The following DPP10 variants were observed in gnomAD, a reference collection of about 807,000 sequenced individuals.
DPP10 encodes the protein dipeptidyl peptidase like 10.
DPP10 carries 33 observed loss-of-function variants against 120.9 expected under a neutral mutation model. The observed-to-expected ratio is 0.27, with a 90% confidence interval of 0.21 to 0.37. The LOEUF (loss-of-function observed/expected upper bound fraction) is 0.37. DPP10 is among the 10% of genes least tolerant of loss of function. The pLI is 1.00. For synonymous variants in DPP10, 337 were observed against 326.1 expected, an observed-to-expected ratio of 1.03 and a Z score of -0.36; for missense variants, 816 against 942.8, an observed-to-expected ratio of 0.87 and a Z score of 1.76.
chr2:115,379,407 A>C (rs1436110965), intron 3 of DPP10, among the ~76,000 whole-genome samples: 2 of 152,002 alleles, frequency 1.3e-5, no homozygotes, highest in African/African-American at 2.4e-5. Context: ...TATCCCCTTT[A>C]TCATTTTTTA....
At chr2:115,723,607 T>C (rs2149620061) in intron 7 of DPP10, among the ~76,000 whole-genome samples, 1 of 131,694 alleles carries the variant, frequency 7.6e-6, no homozygotes, top group East Asian at 2.4e-4. Context: ...TTTGTTGTTG[T>C]TGTTGTTGTT....
At chr2:114,739,530 G>A (rs377410574) in intron 1 of DPP10, among the ~76,000 whole-genome samples, 15 of 151,990 alleles carry the variant, frequency 9.9e-5, no homozygotes, top group Admixed American at 2.0e-4. Flanking sequence ...GTAGTGGCAC[G>A]CACCTGTAAT....
At chr2:115,430,771 C>T (rs1190184175) in intron 3 of DPP10, among the ~76,000 whole-genome samples, 1 of 152,196 alleles carries the variant, frequency 6.6e-6, no homozygotes, top group African/African-American at 2.4e-5. Flanking sequence ...ATAAAGACAG[C>T]ACATTGCCCG....
At chr2:115,746,256 G>T (rs1677957037) in intron 10 of DPP10, 73 bp downstream of exon 10, 2 of 1,296,652 alleles carry the variant, frequency 1.5e-6, no homozygotes, top group Admixed American at 3.7e-5. Flanking sequence ...TTGCAATTTA[G>T]AGAGAGATGT....
At chr2:114,621,716 C>T (rs1357950964) in intron 1 of DPP10, among the ~76,000 whole-genome samples, 1 of 151,904 alleles carries the variant, frequency 6.6e-6, no homozygotes, top group Non-Finnish European at 1.5e-5. Flanking sequence ...AACTCTCCTC[C>T]TCTCTAAATA....
intron 1 of DPP10, among the ~76,000 whole-genome samples, chr2:115,240,343 C>G (rs1332723081): frequency 6.6e-6 from 1 of 152,226 alleles, no homozygotes; most frequent in Non-Finnish European, 1.5e-5. Flanking sequence ...TTGCATTTCT[C>G]TAACGACCAG....
At chr2:114,829,376 T>C (rs904111908) in intron 1 of DPP10, among the ~76,000 whole-genome samples, 12 of 54,616 alleles carry the variant, frequency 2.2e-4, no homozygotes, top group Admixed American at 1.1e-3. Flanking sequence ...GTTTTTGTCT[T>C]TTTTTTTTTT....
At chr2:115,329,344 A>G (rs909351639) in intron 2 of DPP10, among the ~76,000 whole-genome samples, 4 of 152,166 alleles carry the variant, frequency 2.6e-5, no homozygotes, top group African/African-American at 9.6e-5. Flanking sequence ...TCATTGGATG[A>G]TTGTCTGACC....
chr2:115,080,384 TC>T (rs34835956), intron 1 of DPP10, among the ~76,000 whole-genome samples: 3 of 152,184 alleles, frequency 2.0e-5, no homozygotes, highest in African/African-American at 7.2e-5. Context: ...GGTTATTTCT[TC>T]CTTGTAAGCT....
intron 1 of DPP10, among the ~76,000 whole-genome samples, chr2:115,243,210 C>T (rs12616456): frequency 0.039 from 5,996 of 152,190 alleles, 221 homozygotes; most frequent in East Asian, 0.19. Flanking sequence ...ACTGCTAAGG[C>T]GTTGACAACT....
intron 4 of DPP10, among the ~76,000 whole-genome samples, chr2:115,502,847 C>T (rs1644832798): frequency 6.9e-6 from 1 of 144,406 alleles, no homozygotes; most frequent in East Asian, 2.1e-4. Flanking sequence ...GTGTGTGCCA[C>T]CAGGCTCGGC....
At chr2:115,445,765 A>G (rs2072524197) in intron 3 of DPP10, among the ~76,000 whole-genome samples, 1 of 152,252 alleles carries the variant, frequency 6.6e-6, no homozygotes, top group South Asian at 2.1e-4. Context: ...AGCTAGCTGC[A>G]GAAATTTGCA....
intron 4 of DPP10, among the ~76,000 whole-genome samples, chr2:115,510,872 CTAGG>C: frequency 6.6e-6 from 1 of 152,062 alleles, no homozygotes; most frequent in Middle Eastern, 3.4e-3. Context: ...GAATTTGTTA[CTAGG>C]TATTTTATTG....
At chr2:115,102,880 G>C (rs1366109873) in intron 1 of DPP10, among the ~76,000 whole-genome samples, 1 of 152,144 alleles carries the variant, frequency 6.6e-6, no homozygotes, top group Non-Finnish European at 1.5e-5. Context: ...CCACTCTGTG[G>C]CTATGTAACA....
At chr2:115,339,595 GTC>G (rs1248106710) in intron 2 of DPP10, among the ~76,000 whole-genome samples, 4 of 152,030 alleles carry the variant, frequency 2.6e-5, no homozygotes, top group African/African-American at 9.6e-5. Context: ...TTAAAGAATG[GTC>G]TCTCAATACC....
intron 1 of DPP10, among the ~76,000 whole-genome samples, chr2:114,569,725 G>T (rs1046406952): frequency 6.6e-6 from 1 of 152,074 alleles, no homozygotes; most frequent in Non-Finnish European, 1.5e-5. Flanking sequence ...TGGGAAAATG[G>T]TAAAGAGTCC....
chr2:115,790,861 A>C (rs1475919752), intron 17 of DPP10, among the ~76,000 whole-genome samples: 1 of 152,194 alleles, frequency 6.6e-6, no homozygotes, highest in Middle Eastern at 3.2e-3. Flanking sequence ...TGCATTTTGA[A>C]AACGTAAATG....
intron 1 of DPP10, among the ~76,000 whole-genome samples, chr2:114,540,407 G>A (rs1686861371): frequency 6.6e-6 from 1 of 152,164 alleles, no homozygotes. Flanking sequence ...GGTACAATGA[G>A]TGGTATAATT....
intron 19 of DPP10, among the ~76,000 whole-genome samples, chr2:115,801,585 C>G (rs1454451440): frequency 6.6e-6 from 1 of 152,104 alleles, no homozygotes; most frequent in African/African-American, 2.4e-5. Context: ...ATAAATAGCT[C>G]TTATTATTTG....
Sources: allele counts gnomAD v4.1 joint callset (sites outside exome capture counted in the v4.1 genomes callset), GRCh38; gene constraint gnomAD v4.1.1; transcripts MANE v1.5; gene names NCBI Gene and HGNC (gene_info 2026-07-23, HGNC 2026-07-21).